The following CERS6 variants were observed in gnomAD, a reference collection of about 807,000 sequenced individuals.
CERS6 encodes the protein ceramide synthase 6.
A neutral mutation model predicts 56.8 loss-of-function variants in CERS6; 26 were observed. The ratio of observed to expected loss-of-function variants is 0.46; its 90% confidence interval spans 0.34 to 0.63. The LOEUF is 0.63. CERS6 is among the 30% of genes least tolerant of loss of function. CERS6 has a pLI of 0.01. For missense variants in CERS6, 415 were observed against 467.5 expected (o/e 0.89, Z 1.04); for synonymous variants, 164 against 173.3 (o/e 0.95, Z 0.42).
chr2:168,773,639 T>C lies in CERS6; in HGVS notation c.*3977T>C, dbSNP rs1272184628. 1 of 152,180 alleles carries C rather than the reference T, an allele frequency of 6.6e-6. No individual in the cohort carries two copies. The highest frequency in any genetic ancestry group is 2.4e-5 in the African/African-American group (1 of 41,448). The allele number at this position is 152,180 out of a possible 1,614,324, so 9.4% of individuals were successfully genotyped here. ...TGTCCATGGAAGGAATAATCAGCAGTTCAGTTGTCACAAGCCGCCCTTGAA... is the reference window on the plus strand; with the variant it reads ...TGTCCATGGAAGGAATAATCAGCAGCTCAGTTGTCACAAGCCGCCCTTGAA... On this transcript the variant is annotated 3_prime_UTR_variant, in exon 10 of 10. Transcript: ENST00000305747.
intron 4 of CERS6, among the ~76,000 whole-genome samples, chr2:168,641,979 T>C (rs1200919500): frequency 6.6e-6 from 1 of 152,070 alleles, no homozygotes; most frequent in Non-Finnish European, 1.5e-5. Context: ...TAAAATCAAG[T>C]ATGGTATAGT....
intron 1 of CERS6, among the ~76,000 whole-genome samples, chr2:168,488,447 G>T (rs1694312195): frequency 6.6e-6 from 1 of 152,018 alleles, no homozygotes; most frequent in Non-Finnish European, 1.5e-5. Context: ...AATCTGTGTA[G>T]GACTTGTATT....
chr2:168,610,339 G>A (rs935494323), intron 3 of CERS6, among the ~76,000 whole-genome samples: 1 of 152,110 alleles, frequency 6.6e-6, no homozygotes, highest in African/African-American at 2.4e-5. Flanking sequence ...CATCCATCGG[G>A]AAGCAGCTTT....
intron 3 of CERS6, among the ~76,000 whole-genome samples, chr2:168,566,372 C>T (rs574373956): frequency 6.6e-6 from 1 of 152,148 alleles, no homozygotes; most frequent in East Asian, 1.9e-4. Flanking sequence ...TTAAAACTTT[C>T]CCCCAATGCT....
chr2:168,482,365 T>G (rs990522274), intron 1 of CERS6, among the ~76,000 whole-genome samples: 2 of 152,250 alleles, frequency 1.3e-5, no homozygotes, highest in African/African-American at 4.8e-5. Flanking sequence ...TGTGCAGTTG[T>G]TGAAGCCATT....
intron 3 of CERS6, among the ~76,000 whole-genome samples, chr2:168,565,666 C>A (rs1231155837): frequency 6.6e-6 from 1 of 152,182 alleles, no homozygotes; most frequent in East Asian, 1.9e-4. Context: ...TTCTGGCACA[C>A]ACATTACATG....
chr2:168,607,347 A>T (rs1196507935), intron 3 of CERS6, among the ~76,000 whole-genome samples: 2 of 151,952 alleles, frequency 1.3e-5, no homozygotes, highest in Non-Finnish European at 2.9e-5. Flanking sequence ...CTTTTAAGTT[A>T]CTCTTCCCAG....
At chr2:168,642,090 A>G (rs1685065742) in intron 4 of CERS6, among the ~76,000 whole-genome samples, 1 of 144,724 alleles carries the variant, frequency 6.9e-6, no homozygotes, top group Non-Finnish European at 1.5e-5. Context: ...GATCTACTGT[A>G]GGCAGGGGGC....
chr2:168,488,232 G>A (rs1230906176), intron 1 of CERS6, among the ~76,000 whole-genome samples: 2 of 152,106 alleles, frequency 1.3e-5, no homozygotes, highest in African/African-American at 2.4e-5. Flanking sequence ...AATTGTTGAT[G>A]AACACAGCTT....
At chr2:168,654,971 A>G (rs1685433474) in intron 4 of CERS6, among the ~76,000 whole-genome samples, 1 of 152,216 alleles carries the variant, frequency 6.6e-6, no homozygotes, top group African/African-American at 2.4e-5. Context: ...GTTAGTTGCT[A>G]GGCCAGTAGA....
At chr2:168,656,368 C>T (rs1021659889) in intron 4 of CERS6, among the ~76,000 whole-genome samples, 4 of 152,186 alleles carry the variant, frequency 2.6e-5, no homozygotes, top group African/African-American at 9.7e-5. Flanking sequence ...TTCTTGGTCT[C>T]ACTGACTTCA....
At chr2:168,726,635 C>T (rs896839935) in intron 8 of CERS6, among the ~76,000 whole-genome samples, 1 of 152,160 alleles carries the variant, frequency 6.6e-6, no homozygotes, top group Non-Finnish European at 1.5e-5. Context: ...CCTATGTCCT[C>T]ATCGGTAAAA....
At position 168,490,699 on chromosome 2, in the gene CERS6, A is replaced by C. The variant is rs1694354281; in HGVS notation, c.170+34081A>C. On this transcript the variant is annotated intron_variant, in intron 1 of 9. Transcript: ENST00000305747. ...CAGGCACTCAGCTCTTTTTGTGGCCAGAGCTTTTAGTTTTAAAAAGCGAGA... is the reference window on the plus strand; with the variant it reads ...CAGGCACTCAGCTCTTTTTGTGGCCCGAGCTTTTAGTTTTAAAAAGCGAGA... 2.0e-5 allele frequency among the ~76,000 whole-genome samples: 3 copies of C among 151,934 alleles called. No individual in the cohort carries two copies. In the South Asian group the frequency reaches 6.2e-4, roughly 32 times the overall value.
chr2:168,474,252 C>T (rs1220900415), intron 1 of CERS6, among the ~76,000 whole-genome samples: 2 of 152,054 alleles, frequency 1.3e-5, no homozygotes, highest in Non-Finnish European at 2.9e-5. Context: ...AACGGCTTTT[C>T]CATAAATGCT....
At chr2:168,461,784 ATACCC>A (rs1403955164) in intron 1 of CERS6, among the ~76,000 whole-genome samples, 3 of 152,234 alleles carry the variant, frequency 2.0e-5, no homozygotes, top group Non-Finnish European at 4.4e-5. Context: ...TATGAAATTA[ATACCC>A]TGAGTTCACT....
At chr2:168,743,600 T>C (rs910482445) in intron 8 of CERS6, among the ~76,000 whole-genome samples, 2 of 152,176 alleles carry the variant, frequency 1.3e-5, no homozygotes, top group African/African-American at 4.8e-5. Flanking sequence ...TGAAAATATT[T>C]TATATAACCT....
chr2:168,737,009 C>T (rs1272940513), intron 8 of CERS6, among the ~76,000 whole-genome samples: 2 of 152,216 alleles, frequency 1.3e-5, no homozygotes, highest in Non-Finnish European at 2.9e-5. Flanking sequence ...TAAGGGGATC[C>T]GTTGGTGGCT....
chr2:168,586,362 A>G (rs1683542624), intron 3 of CERS6, among the ~76,000 whole-genome samples: 1 of 152,042 alleles, frequency 6.6e-6, no homozygotes, highest in Non-Finnish European at 1.5e-5. Context: ...CTTTGAAAGC[A>G]TTTGTATAAA....
At chr2:168,659,169 C>T (rs1008281409) in intron 4 of CERS6, among the ~76,000 whole-genome samples, 11 of 152,178 alleles carry the variant, frequency 7.2e-5, no homozygotes, top group African/African-American at 2.7e-4. Context: ...TTGTATCCCA[C>T]GCTTGGTTTG....
Sources: allele counts gnomAD v4.1 joint callset (sites outside exome capture counted in the v4.1 genomes callset), GRCh38; gene constraint gnomAD v4.1.1; transcripts MANE v1.5; gene names NCBI Gene and HGNC (gene_info 2026-07-23, HGNC 2026-07-21).